CNTNAP2: variants seen among roughly 807,000 people sequenced by gnomAD.
The protein encoded by CNTNAP2 is contactin associated protein 2, also known as contactin-associated protein-like 2.
In CNTNAP2, 98 loss-of-function variants were observed where a neutral mutation model predicts 155.2. The ratio of observed to expected loss-of-function variants is 0.63; its 90% CI spans 0.54 to 0.75. The LOEUF is 0.75. Among genes scored for constraint, CNTNAP2 ranks in the 30% least tolerant of loss-of-function variants. The pLI is 0.00. For synonymous variants in CNTNAP2, 651 were observed against 631.2 expected (o/e 1.03, Z -0.47); for missense variants, 1,727 against 1,688.1 (o/e 1.02, Z -0.40).
rs1452230418 is a variant in CNTNAP2, at chr7:147,119,572, TTTCC to T, written c.755-1404_755-1401del. ...CTCTTCCTCCTCTTGTCCCTCTCCTTTTCCTTGTCTCATTTTACGCATACACACT... is the reference window on the plus strand; with the variant it reads ...CTCTTCCTCCTCTTGTCCCTCTCCTTTTGTCTCATTTTACGCATACACACT... On this transcript the variant is annotated intron_variant, in intron 5 of 23. Transcript: ENST00000361727. Among the ~76,000 whole-genome samples the T allele has an allele frequency of 2.0e-5, 3 of 152,186 alleles. No homozygotes were observed. In the East Asian group the frequency reaches 5.8e-4, roughly 29 times the overall value.
At chr7:148,408,099 G>T (rs532015673) in intron 22 of CNTNAP2, among the ~76,000 whole-genome samples, 7 of 152,020 alleles carry the variant, frequency 4.6e-5, no homozygotes, top group Non-Finnish European at 7.4e-5. Flanking sequence ...ACAAAAATTA[G>T]CCAGGCATGG....
At chr7:147,356,031 C>T (rs1181671016) in intron 9 of CNTNAP2, among the ~76,000 whole-genome samples, 1 of 152,020 alleles carries the variant, frequency 6.6e-6, no homozygotes, top group African/African-American at 2.4e-5. Context: ...ATGCAAAAAT[C>T]CTCAATAAAA....
At chr7:147,357,303 G>T (rs1796080368) in intron 9 of CNTNAP2, among the ~76,000 whole-genome samples, 1 of 151,926 alleles carries the variant, frequency 6.6e-6, no homozygotes, top group Non-Finnish European at 1.5e-5. Flanking sequence ...TCTAGACTGG[G>T]TCGTGATAAA....
intron 3 of CNTNAP2, among the ~76,000 whole-genome samples, chr7:146,923,364 C>G (rs1479868383): frequency 1.3e-5 from 2 of 152,046 alleles, no homozygotes; most frequent in Non-Finnish European, 2.9e-5. Context: ...TCAAGATGCA[C>G]AAGGCATCAT....
At chr7:146,653,198 CAG>C (rs1799944977) in intron 1 of CNTNAP2, among the ~76,000 whole-genome samples, 1 of 152,128 alleles carries the variant, frequency 6.6e-6, no homozygotes, top group East Asian at 1.9e-4. Context: ...CCTCGAGTCA[CAG>C]AGAAAGTAGT....
chr7:148,127,681 T>C (rs1804744290), intron 16 of CNTNAP2, among the ~76,000 whole-genome samples: 1 of 152,238 alleles, frequency 6.6e-6, no homozygotes, highest in Non-Finnish European at 1.5e-5. Flanking sequence ...AATGGCAATT[T>C]ATCTTCCAGT....
intron 17 of CNTNAP2, among the ~76,000 whole-genome samples, chr7:148,167,801 A>G (rs1327438216): frequency 1.3e-5 from 2 of 152,230 alleles, no homozygotes; most frequent in African/African-American, 4.8e-5. Context: ...ACACAAGTGC[A>G]GGAAGAGAGA....
chr7:148,154,215 G>A (rs917704580), intron 17 of CNTNAP2, among the ~76,000 whole-genome samples: 1 of 152,204 alleles, frequency 6.6e-6, no homozygotes, highest in Non-Finnish European at 1.5e-5. Context: ...TGGAAGGCAC[G>A]CTGTCTTCAG....
intron 1 of CNTNAP2, among the ~76,000 whole-genome samples, chr7:146,708,251 T>C (rs1801000288): frequency 6.6e-6 from 1 of 152,112 alleles, no homozygotes; most frequent in South Asian, 2.1e-4. Context: ...GTGAAGCTAC[T>C]ACCTTCATTA....
At chr7:147,780,710 C>T (rs6964067) in intron 13 of CNTNAP2, among the ~76,000 whole-genome samples, 6 of 152,156 alleles carry the variant, frequency 3.9e-5, no homozygotes, top group East Asian at 1.9e-4. Flanking sequence ...CCCCTTTTGA[C>T]GCTTTTCTTC....
chr7:146,543,348 T>A (rs1462413951), intron 1 of CNTNAP2, among the ~76,000 whole-genome samples: 1 of 151,894 alleles, frequency 6.6e-6, no homozygotes, highest in Non-Finnish European at 1.5e-5. Flanking sequence ...GTGAGTGACT[T>A]TGACATACAT....
chr7:146,555,116 G>T (rs796989160), intron 1 of CNTNAP2, among the ~76,000 whole-genome samples: 22 of 152,178 alleles, frequency 1.4e-4, no homozygotes, highest in African/African-American at 5.1e-4. Flanking sequence ...CAGGCATTGT[G>T]GAGTGAATGG....
intron 21 of CNTNAP2, among the ~76,000 whole-genome samples, chr7:148,281,643 C>T (rs1418156066): frequency 3.3e-5 from 5 of 152,176 alleles, no homozygotes; most frequent in Non-Finnish European, 5.9e-5. Flanking sequence ...GCTGGCTTCT[C>T]ATTCTTTTTT....
chr7:147,709,941 C>G (rs1478196185), intron 13 of CNTNAP2, among the ~76,000 whole-genome samples: 1 of 151,926 alleles, frequency 6.6e-6, no homozygotes, highest in Non-Finnish European at 1.5e-5. Flanking sequence ...GTTTATGTGT[C>G]TTTGAAATCT....
At position 146,492,507 on chromosome 7, in the gene CNTNAP2, A is replaced by G. The variant is rs555430360; in HGVS notation, c.98-281764A>G. 8.5e-5 allele frequency among the ~76,000 whole-genome samples: 13 copies of G among 152,182 alleles called. No homozygotes were observed. The South Asian group carries it at 2.1e-3, about 24-fold the overall frequency. On this transcript the variant is annotated intron_variant, in intron 1 of 23. Transcript: ENST00000361727. ...TGTTATTCTAAACATCAATTTGTAA[A>G]TCTTTTCATATCTTCTTAAGCAGGT... is the stretch of plus-strand genomic sequence containing the variant.
chr7:147,349,669 C>A (rs887341369), intron 9 of CNTNAP2, among the ~76,000 whole-genome samples: 2 of 151,896 alleles, frequency 1.3e-5, no homozygotes, highest in Admixed American at 6.6e-5. Context: ...TCTCATTTGT[C>A]TATCTGCCAT....
At chr7:146,870,314 CTG>C (rs1347152761) in intron 3 of CNTNAP2, among the ~76,000 whole-genome samples, 2 of 151,650 alleles carry the variant, frequency 1.3e-5, no homozygotes, top group Non-Finnish European at 2.9e-5. Context: ...TCTTGGGAGG[CTG>C]TATGTGTTCA....
chr7:147,106,816 T>C (rs1040145316), intron 4 of CNTNAP2, among the ~76,000 whole-genome samples: 3 of 152,170 alleles, frequency 2.0e-5, no homozygotes, highest in African/African-American at 4.8e-5. Flanking sequence ...ATCTCTACTG[T>C]GGCCCCCAAA....
chr7:148,144,599 G>A (rs977116577), intron 16 of CNTNAP2, among the ~76,000 whole-genome samples: 20 of 152,180 alleles, frequency 1.3e-4, no homozygotes, highest in Non-Finnish European at 2.1e-4. Context: ...TGCAAGTGGG[G>A]TAAAGTCTCA....
Sources: allele counts gnomAD v4.1 joint callset (sites outside exome capture counted in the v4.1 genomes callset), GRCh38; gene constraint gnomAD v4.1.1; transcripts MANE v1.5; gene names NCBI Gene and HGNC (gene_info 2026-07-23, HGNC 2026-07-21).